The following CENPT variants were observed in gnomAD, a reference collection of about 807,000 sequenced individuals.
CENPT encodes interphase centromere complex protein 22.
A neutral mutation model predicts 59.7 loss-of-function variants in CENPT; 42 were observed. The ratio of observed to expected loss-of-function variants is 0.70; its 90% CI spans 0.55 to 0.91. CENPT has a LOEUF of 0.91. Among genes scored for constraint, CENPT ranks in the 40% least tolerant of loss-of-function variants. CENPT has a pLI of 0.00. For missense variants in CENPT, 716 were observed against 713.4 expected (o/e 1.00, Z -0.04); for synonymous variants, 295 against 289.6 (o/e 1.02, Z -0.19).
rs146334729 is a variant in CENPT, at chr16:67,836,547, C to T, written c.-491-889G>A. On this transcript the variant is annotated intron_variant, in intron 1 of 15. Coordinates refer to ENST00000562787, the MANE Select transcript of CENPT (RefSeq NM_025082.4). The stretch of plus-strand genomic sequence containing the variant: ...TGCCTCCTGGGTTCAAGCAATTCTC[C>T]CTGCCTCAGCCTCCCAAGCAGCTAG... 1.5e-4 allele frequency among the ~76,000 whole-genome samples: 23 copies of T among 151,828 alleles called. 1 individual carries two copies. The East Asian group carries it at 3.9e-3, about 26-fold the overall frequency.
intron 1 of CENPT, among the ~76,000 whole-genome samples, chr16:67,838,422 G>A (rs564984274): frequency 6.6e-6 from 1 of 151,974 alleles, no homozygotes; most frequent in Non-Finnish European, 1.5e-5. Context: ...AGGAGTTCGA[G>A]ACCAGCCCGG....
chr16:67,833,750 C>T lies in CENPT; in HGVS notation c.110G>A (p.Gly37Glu). Residue 37 changes from glycine to glutamate, a missense_variant and splice_region_variant, in exon 4 of 16, where the codon GGA becomes GAA. By Grantham distance (98) the Gly-to-Glu change is moderately conservative. Coordinates refer to ENST00000562787, the MANE Select transcript of CENPT (RefSeq NM_025082.4). ...TPRRPRSARA[G>E]ARRALLETAS... ...GTACTCGGGGAGCCCCCTCACATAC[C>T]CAGCCCGAGCACTCCGGGGTCGCCG... The T allele has an allele frequency of 1.3e-6, 2 of 1,531,754 alleles. No homozygotes were observed. Among genetic ancestry groups the T allele is most frequent in the Non-Finnish European group, 1.8e-6 (2 of 1,139,984 alleles). 94.9% of individuals were successfully genotyped at this position (1,531,754 alleles called of 1,614,324 possible).
Position 67,843,199 on chromosome 16 carries a change from C to T in CENPT, c.-492+4202G>A, listed in dbSNP as rs1353858819. ...CCGCGTCGGAGTTACAGGCTGCTAC[C>T]GCAGGGCTGGAGGCTGCCGAGTGCC... On this transcript the variant is annotated intron_variant, in intron 1 of 15. Coordinates refer to ENST00000562787, the MANE Select transcript of CENPT (RefSeq NM_025082.4). This position sits in a 1 kb window ranked among gnomAD's most constrained non-coding sequence, Gnocchi z 5.7. 2 of 1,611,640 alleles carry T rather than the reference C, an allele frequency of 1.2e-6. No homozygotes were observed. Among genetic ancestry groups the T allele is most frequent in the East Asian group, 2.2e-5 (1 of 44,864 alleles).
chr16:67,834,526 G>A (rs1019620947), intron 3 of CENPT, among the ~76,000 whole-genome samples: 1 of 152,152 alleles, frequency 6.6e-6, no homozygotes, highest in Non-Finnish European at 1.5e-5. Context: ...GGCTGAGGCA[G>A]GAGCATTGCT....
At chr16:67,832,349 G>A (rs371984432) in intron 5 of CENPT, 34 bp from the exon 6 acceptor site, 16 of 1,611,640 alleles carry the variant, frequency 9.9e-6, no homozygotes, top group East Asian at 6.7e-5. Flanking sequence ...CAGTCTGTCC[G>A]TCTGCCTTGA....
chr16:67,845,203 G>A (rs1174885036), intron 1 of CENPT, among the ~76,000 whole-genome samples: 2 of 152,172 alleles, frequency 1.3e-5, no homozygotes, highest in African/African-American at 4.8e-5. Context: ...TAAAGCTCTG[G>A]GTTTACTGTG....
rs1389950947 is a variant in CENPT at position 67,842,695 on chromosome 16, G to A, written c.-492+4706C>T. 1 of 1,594,658 alleles carries A rather than the reference G, an allele frequency of 6.3e-7. No homozygotes were observed. The highest frequency in any genetic ancestry group is 1.1e-5 in the South Asian group (1 of 88,924). On this transcript the variant is annotated intron_variant, in intron 1 of 15. Transcript: ENST00000562787. The surrounding 1 kb of genome is among the most constrained non-coding windows in gnomAD (Gnocchi z 4.9). ...ACGTGTCGCGTGCCGGCGTCAGTGGGTGCTTCTCCACCTTCCAGCCCACCA... is the reference window on the plus strand; with the variant it reads ...ACGTGTCGCGTGCCGGCGTCAGTGGATGCTTCTCCACCTTCCAGCCCACCA...
rs2057765859 is a variant in CENPT at position 67,842,175 on chromosome 16, A to G, written c.-492+5226T>C. 6.6e-6 allele frequency: 1 copy of G among 152,458 alleles called. No individual in the cohort carries two copies. Among genetic ancestry groups the G allele is most frequent in the African/African-American group, 2.4e-5 (1 of 41,468 alleles). 9.4% of individuals were successfully genotyped at this position (152,458 alleles called of 1,614,324 possible). A position where few individuals can be genotyped will look rare whatever the true frequency, so the allele number is the denominator to read the frequency against. On this transcript the variant is annotated intron_variant, in intron 1 of 15. Transcript: ENST00000562787. This position sits in a 1 kb window ranked among gnomAD's most constrained non-coding sequence, Gnocchi z 4.9. ...CCGCCGGGGACAAGACGGGCTGGGG[A>G]AAGAATCTGCTCTTCGGAGGCTATC...
intron 1 of CENPT, chr16:67,841,472 C>G (rs1366547368): frequency 6.6e-6 from 1 of 152,244 alleles, no homozygotes; most frequent in Non-Finnish European, 1.5e-5. Flanking sequence ...TTGGCTACTT[C>G]TCCCTACCCA....
At chr16:67,839,169 A>C (rs139674681) in intron 1 of CENPT, among the ~76,000 whole-genome samples, 20 of 151,652 alleles carry the variant, frequency 1.3e-4, no homozygotes, top group African/African-American at 4.8e-4. Flanking sequence ...GGTGGATTGC[A>C]TGAGGTCAGG....
chr16:67,834,851 T>G (rs534882711), intron 3 of CENPT, among the ~76,000 whole-genome samples: 10 of 151,746 alleles, frequency 6.6e-5, no homozygotes, highest in South Asian at 6.3e-4. Flanking sequence ...AAAATTGGGG[T>G]TTTTTTTGAG....
chr16:67,830,394 C>G lies in CENPT; in HGVS notation c.858G>C (p.Lys286Asn), dbSNP rs1311662945. Residue 286 changes from lysine to asparagine, a missense_variant, in exon 11 of 16, where the codon AAG becomes AAC. By Grantham distance (94) the Lys-to-Asn change is moderately conservative. Transcript: ENST00000562787. ...CCACCAGTGCCACACACTCACTATT[C>G]TTCTGCAGCCCAGGCCCACTGCTCT... ...KTQSSGPGLQKNSPGKPAQFL... is the reference protein window; with the variant it reads ...KTQSSGPGLQNNSPGKPAQFL... 2 of 1,605,998 alleles carry G rather than the reference C, an allele frequency of 1.2e-6. No homozygotes were observed. The highest frequency in any genetic ancestry group is 1.7e-6 in the Non-Finnish European group (2 of 1,177,194).
chr16:67,829,010 T>C (rs1335339893), intron 13 of CENPT, 167 bp from the exon 14 acceptor site: 5 of 610,088 alleles, frequency 8.2e-6, no homozygotes, highest in East Asian at 3.0e-5. Context: ...GGGGGCCACA[T>C]AGAGGCCAGT....
Position 67,842,683 on chromosome 16 carries a change from C to T in CENPT, c.-492+4718G>A, listed in dbSNP as rs61747726. 6.3e-7 allele frequency: 1 copy of T among 1,583,492 alleles called. No homozygotes were observed. Among genetic ancestry groups the T allele is most frequent in the South Asian group, 1.1e-5 (1 of 87,854 alleles). ...TCTGGCTCAAGAACGTGTCGCGTGC[C>T]GGCGTCAGTGGGTGCTTCTCCACCT... On this transcript the variant is annotated intron_variant, in intron 1 of 15. Coordinates refer to ENST00000562787, the MANE Select transcript of CENPT (RefSeq NM_025082.4). This position sits in a 1 kb window ranked among gnomAD's most constrained non-coding sequence, Gnocchi z 4.9.
chr16:67,830,246 A>G (rs2057672853), intron 11 of CENPT, 144 bp downstream of exon 11: 4 of 1,254,630 alleles, frequency 3.2e-6, no homozygotes, highest in Non-Finnish European at 4.5e-6. Context: ...CTCCTGGCCC[A>G]ACATGGACTC....
rs2057767645 is a variant in CENPT, at chr16:67,842,372, C to A, written c.-492+5029G>T. The stretch of plus-strand genomic sequence containing the variant: ...AGCCAGGCGGGCGGCGCGGCGCGGG[C>A]CGGCAGGAAGCGTATTCTGGGCACG... On this transcript the variant is annotated intron_variant, in intron 1 of 15. Coordinates refer to ENST00000562787, the MANE Select transcript of CENPT (RefSeq NM_025082.4). The surrounding 1 kb of genome is among the most constrained non-coding windows in gnomAD (Gnocchi z 4.9). The A allele has an allele frequency of 3.7e-6, 1 of 267,188 alleles. No homozygotes were observed. The highest frequency in any genetic ancestry group is 6.3e-6 in the Non-Finnish European group (1 of 158,518). 16.6% of individuals were successfully genotyped at this position (267,188 alleles called of 1,614,324 possible). A position where few individuals can be genotyped will look rare whatever the true frequency, so the allele number is the denominator to read the frequency against.
chr16:67,831,695 C>T (rs2057690367), intron 8 of CENPT, 59 bp downstream of exon 8: 1 of 1,602,574 alleles, frequency 6.2e-7, no homozygotes, highest in Middle Eastern at 1.7e-4. Context: ...CTCAGGACTC[C>T]TCAGCCTCTC....
Position 67,843,023 on chromosome 16 carries a change from C to A in CENPT, c.-492+4378G>T. The A allele has an allele frequency of 1.2e-6, 2 of 1,612,576 alleles. No individual in the cohort carries two copies. The highest frequency in any genetic ancestry group is 1.1e-5 in the South Asian group (1 of 91,088). The stretch of plus-strand genomic sequence containing the variant: ...CCTGGTATCTGCTTCCGCGGCCGTG[C>A]TTCTCACCCTTCAGGCCACTGTAGA... On this transcript the variant is annotated intron_variant, in intron 1 of 15. Transcript: ENST00000562787. The surrounding 1 kb of genome is among the most constrained non-coding windows in gnomAD (Gnocchi z 5.7).
At position 67,843,157 on chromosome 16, in the gene CENPT, C is replaced by CGCAGCCGCTGCG; in HGVS notation, c.-492+4232_-492+4243dup. 2 of 1,609,434 alleles carry CGCAGCCGCTGCG rather than the reference C, an allele frequency of 1.2e-6. No homozygotes were observed. Among genetic ancestry groups the CGCAGCCGCTGCG allele is most frequent in the Non-Finnish European group, 1.7e-6 (2 of 1,179,408 alleles). On this transcript the variant is annotated intron_variant, in intron 1 of 15. Transcript: ENST00000562787. This position sits in a 1 kb window ranked among gnomAD's most constrained non-coding sequence, Gnocchi z 5.7. ...AAGTGGAGTTTGCAGCCGCAGAGGGCGCAGCCGCTGCGGCCGCCGCGTCGG... is the reference window on the plus strand; with the variant it reads ...AAGTGGAGTTTGCAGCCGCAGAGGGCGCAGCCGCTGCGGCAGCCGCTGCGGCCGCCGCGTCGG...
Sources: gnomAD v4.1 joint callset for allele counts (sites outside exome capture counted in the v4.1 genomes callset) on GRCh38, gnomAD v4.1.1 for gene constraint, Gnocchi (gnomAD v3.1) non-coding constraint, MANE v1.5 for transcripts, NCBI Gene and HGNC (gene_info 2026-07-23, HGNC 2026-07-21) for gene names.